SGK1: variants seen among roughly 807,000 people sequenced by gnomAD.
The protein encoded by SGK1 is serum/glucocorticoid regulated kinase 1.
A neutral mutation model predicts 64.2 loss-of-function variants in SGK1; 26 were observed. The ratio of observed to expected loss-of-function variants is 0.40; its 90% CI spans 0.30 to 0.56. SGK1 has a LOEUF of 0.56. Among genes scored for constraint, SGK1 ranks in the 20% least tolerant of loss-of-function variants. SGK1 has a pLI of 0.38. For missense variants in SGK1, 519 were observed against 645.6 expected, an observed-to-expected ratio of 0.80 and a Z score of 2.12; for synonymous variants, 265 against 239.7, an observed-to-expected ratio of 1.11 and a Z score of -0.98.
At chr6:134,177,865 C>G (rs749008400) in intron 3 of SGK1, 1 of 1,572,864 alleles carries the variant, frequency 6.4e-7, no homozygotes, top group Non-Finnish European at 8.6e-7. Context: ...CTGTTATGAA[C>G]CCCACTTTAT....
chr6:134,254,503 G>A (rs923648273), intron 2 of SGK1, among the ~76,000 whole-genome samples: 1 of 152,140 alleles, frequency 6.6e-6, no homozygotes, highest in African/African-American at 2.4e-5. Context: ...TACGAGTGAG[G>A]CTCCTGGTGA....
intron 3 of SGK1, among the ~76,000 whole-genome samples, chr6:134,202,349 T>C (rs1775699908): frequency 6.6e-6 from 1 of 152,148 alleles, no homozygotes; most frequent in African/African-American, 2.4e-5. Flanking sequence ...CCAGAAGACT[T>C]ATAAGAAATC....
chr6:134,223,229 G>A (rs545593467), intron 2 of SGK1, among the ~76,000 whole-genome samples: 8 of 152,080 alleles, frequency 5.3e-5, no homozygotes, highest in South Asian at 4.2e-4. Context: ...TTAGCCGGGC[G>A]TGGTGGTGCG....
At chr6:134,248,979 T>G (rs979019180) in intron 2 of SGK1, among the ~76,000 whole-genome samples, 8 of 152,176 alleles carry the variant, frequency 5.3e-5, no homozygotes, top group African/African-American at 1.9e-4. Context: ...TAACCAAGAT[T>G]GTTCGTGGTT....
chr6:134,309,195 A>G (rs2114800694), intron 1 of SGK1, among the ~76,000 whole-genome samples: 1 of 152,308 alleles, frequency 6.6e-6, no homozygotes, highest in East Asian at 1.9e-4. Context: ...TTTGATTTTC[A>G]TTTCCCTTTG....
chr6:134,269,029 C>G (rs6909697), intron 1 of SGK1, among the ~76,000 whole-genome samples: 21,933 of 145,556 alleles, frequency 0.15, 3,772 homozygotes, highest in East Asian at 0.26. Flanking sequence ...TGGCTGGCTT[C>G]TAGGGATTTT....
chr6:134,210,005 T>C (rs1294242496), intron 2 of SGK1, among the ~76,000 whole-genome samples: 1 of 152,168 alleles, frequency 6.6e-6, no homozygotes, highest in Non-Finnish European at 1.5e-5. Flanking sequence ...AAGGAAGCAG[T>C]GCATGAATTT....
At chr6:134,228,841 C>CT (rs754300980) in intron 2 of SGK1, among the ~76,000 whole-genome samples, 2,935 of 129,838 alleles carry the variant, frequency 0.023, 94 homozygotes, top group African/African-American at 0.046. Context: ...TGTAGTTGTT[C>CT]TTTTTTTTTT....
chr6:134,236,235 C>G (rs112261036), intron 2 of SGK1, among the ~76,000 whole-genome samples: 1,560 of 152,260 alleles, frequency 0.01, 23 homozygotes, highest in African/African-American at 0.034. Flanking sequence ...TTACATATGA[C>G]TCAGTACTAA....
chr6:134,171,569 C>G, intron 11 of SGK1, 68 bp downstream of exon 11: 1 of 1,119,822 alleles, frequency 8.9e-7, no homozygotes, highest in South Asian at 1.3e-5. Flanking sequence ...CATGGCCAAG[C>G]ATGGGCTGTG....
At chr6:134,225,932 AC>A (rs1246762183) in intron 2 of SGK1, among the ~76,000 whole-genome samples, 1 of 147,424 alleles carries the variant, frequency 6.8e-6, no homozygotes, top group South Asian at 2.1e-4. Context: ...AACAAAAAAA[AC>A]AAAAAAAAAC....
chr6:134,171,297 C>T, intron 11 of SGK1, 119 bp from the exon 12 acceptor site: 1 of 916,654 alleles, frequency 1.1e-6, no homozygotes, highest in Non-Finnish European at 1.7e-6. Context: ...AAACTCTCCC[C>T]ACCTCAATGC....
At chr6:134,298,528 C>T (rs1194137629) in intron 1 of SGK1, 1 of 803,978 alleles carries the variant, frequency 1.2e-6, no homozygotes, top group Non-Finnish European at 2.2e-6. Flanking sequence ...ATGCCGCTGG[C>T]CCCACCATAG....
chr6:134,204,808 C>G (rs988879897), intron 3 of SGK1, among the ~76,000 whole-genome samples: 2 of 152,100 alleles, frequency 1.3e-5, no homozygotes, highest in African/African-American at 4.8e-5. Flanking sequence ...CCCACCTTGG[C>G]CCCCCAAAGT....
chr6:134,177,728 G>T (rs1036341715), intron 3 of SGK1: 3 of 1,613,834 alleles, frequency 1.9e-6, no homozygotes, highest in Non-Finnish European at 2.5e-6. Context: ...TGCAGGTTGG[G>T]GATTACTTCT....
intron 3 of SGK1, among the ~76,000 whole-genome samples, chr6:134,204,953 T>TTTTC (rs768830680): frequency 2.8e-5 from 4 of 142,276 alleles, no homozygotes; most frequent in African/African-American, 5.7e-5. Context: ...CCCTCCCTCC[T>TTTTC]TTTCTTTCTT....
intron 1 of SGK1, among the ~76,000 whole-genome samples, chr6:134,268,204 T>G (rs527406387): frequency 6.6e-6 from 1 of 152,082 alleles, no homozygotes; most frequent in South Asian, 2.1e-4. Flanking sequence ...CTGGAGGGAG[T>G]AGCTGACTGT....
chr6:134,300,786 C>T (rs1369645264), intron 1 of SGK1, among the ~76,000 whole-genome samples: 1 of 151,472 alleles, frequency 6.6e-6, no homozygotes, highest in Admixed American at 6.6e-5. Flanking sequence ...GCATGCGCCA[C>T]CACACCCGGC....
chr6:134,182,833 A>T (rs1300912555), intron 3 of SGK1, among the ~76,000 whole-genome samples: 2 of 152,236 alleles, frequency 1.3e-5, no homozygotes. Context: ...AATGTGCTGT[A>T]TCAAGAAACG....
Sources: gnomAD v4.1 joint callset for allele counts (sites outside exome capture counted in the v4.1 genomes callset) on GRCh38, gnomAD v4.1.1 for gene constraint, MANE v1.5 for transcripts, NCBI Gene and HGNC (gene_info 2026-07-23, HGNC 2026-07-21) for gene names.